The following WDR35 variants were observed in gnomAD, a reference collection of about 807,000 sequenced individuals.
The protein encoded by WDR35 is WD repeat domain 35.
WDR35 carries 118 observed loss-of-function variants against 158.3 expected under a neutral mutation model. That is an observed-to-expected ratio of 0.75 (90% CI 0.64 to 0.87). The LOEUF (loss-of-function observed/expected upper bound fraction) is 0.87, where lower values mean the gene tolerates loss of function less well. Ranked by LOEUF, WDR35 falls within the 40% of genes least tolerant of loss-of-function variation. The pLI is 0.00. For synonymous variants in WDR35, 448 were observed against 476.1 expected (o/e 0.94, Z 0.77); for missense variants, 1,263 against 1,405.8 (o/e 0.90, Z 1.62).
At chr2:19,983,575 T>C (rs762715564) in intron 2 of WDR35, among the ~76,000 whole-genome samples, 1 of 152,234 alleles carries the variant, frequency 6.6e-6, no homozygotes, top group Admixed American at 6.5e-5. Context: ...AAAATTTTCA[T>C]TTAAAATACA....
chr2:19,985,899 GAAAAAAAAAAAAA>G (rs70939024), intron 2 of WDR35, among the ~76,000 whole-genome samples: 23 of 71,162 alleles, frequency 3.2e-4, no homozygotes, highest in East Asian at 9.4e-4. Flanking sequence ...CCCATCTCGG[GAAAAAAAAAAAAA>G]AAAAAAAAAA....
intron 21 of WDR35, chr2:19,935,193 G>A (rs1389089529): frequency 2.0e-5 from 4 of 205,008 alleles, no homozygotes; most frequent in Non-Finnish European, 3.8e-5. Flanking sequence ...CATGTATTCA[G>A]CTAACATTTA....
intron 25 of WDR35, among the ~76,000 whole-genome samples, chr2:19,919,395 A>G (rs1159783358): frequency 2.0e-4 from 25 of 126,022 alleles, no homozygotes; most frequent in Admixed American, 4.8e-4. Context: ...AAAAAAAAAA[A>G]AAAGAAAAGA....
intron 8 of WDR35, among the ~76,000 whole-genome samples, chr2:19,971,519 A>C (rs1022020561): frequency 6.6e-6 from 1 of 152,230 alleles, no homozygotes; most frequent in Non-Finnish European, 1.5e-5. Context: ...CATTCTCCAG[A>C]ACTGTGAGCC....
Position 19,932,355 on chromosome 2 carries a change from A to G in WDR35, c.2751T>C (p.Asn917=), listed in dbSNP as rs771322505. The G allele has an allele frequency of 3.1e-6, 5 of 1,613,242 alleles. No homozygotes were observed. In the South Asian group the frequency reaches 5.5e-5, roughly 18 times the overall value. ...AGAGTTCTATGGCATCAAGAGTTTTATTCTTTTCCAGTAAATGAGATGCAT... is the reference window on the plus strand; with the variant it reads ...AGAGTTCTATGGCATCAAGAGTTTTGTTCTTTTCCAGTAAATGAGATGCAT... ...ARYASHLLEK[N]KTLDAIELYR... Residue 917 remains asparagine (N), a synonymous_variant, in exon 23 of 27, where the codon AAT becomes AAC. Coordinates refer to ENST00000281405, the MANE Select transcript of WDR35 (RefSeq NM_020779.4).
At chr2:19,938,222 A>C (rs1339907343) in intron 18 of WDR35, 43 bp downstream of exon 18, 1 of 1,613,612 alleles carries the variant, frequency 6.2e-7, no homozygotes, top group East Asian at 2.2e-5. Context: ...GACTTTAAAA[A>C]CCTACACCTG....
At chr2:19,967,055 TAGA>T (rs767481951) in intron 9 of WDR35, 146 bp from the exon 10 acceptor site, 37 of 735,108 alleles carry the variant, frequency 5.0e-5, no homozygotes, top group Non-Finnish European at 8.2e-5. Context: ...TCTTCAGAAA[TAGA>T]AGACAGATTC....
chr2:19,979,438 G>A (rs1184718577), intron 4 of WDR35, among the ~76,000 whole-genome samples: 1 of 152,096 alleles, frequency 6.6e-6, no homozygotes, highest in Non-Finnish European at 1.5e-5. Context: ...ATTCTAATCA[G>A]TTTATACTAC....
chr2:19,921,129 C>G (rs1403057806), intron 25 of WDR35, among the ~76,000 whole-genome samples: 2 of 152,102 alleles, frequency 1.3e-5, no homozygotes, highest in Admixed American at 6.5e-5. Flanking sequence ...TAGGAAGAAC[C>G]AATATCATCA....
At position 19,911,388 on chromosome 2, in the gene WDR35, G is replaced by C. The variant is rs1342259008; in HGVS notation, c.*2170C>G. 4 of 152,214 alleles carry C rather than the reference G, an allele frequency of 2.6e-5. No homozygotes were observed. Among genetic ancestry groups the C allele is most frequent in the Non-Finnish European group, 5.9e-5 (4 of 68,052 alleles). 9.4% of individuals were successfully genotyped at this position (152,214 alleles called of 1,614,324 possible). A position where few individuals can be genotyped will look rare whatever the true frequency, so the allele number is the denominator to read the frequency against. On this transcript the variant is annotated 3_prime_UTR_variant, in exon 27 of 27. Coordinates refer to ENST00000281405, the MANE Select transcript of WDR35 (RefSeq NM_020779.4). ...CTGTCCTGCAGGAACCTTTCAGACAGGCAGAACTAATAAGTGTGCCATCCC... is the reference window on the plus strand; with the variant it reads ...CTGTCCTGCAGGAACCTTTCAGACACGCAGAACTAATAAGTGTGCCATCCC...
chr2:19,974,653 T>C lies in WDR35; in HGVS notation c.571-20A>G. On this transcript the variant is annotated intron_variant, in intron 6 of 26. Transcript: ENST00000281405. ...TTTTATCTAAATAAAATTGGTTAGG[T>C]TTAATATTTTACATTTTAAAACACA... 5.6e-6 allele frequency: 9 copies of C among 1,605,006 alleles called. No individual in the cohort carries two copies. Among genetic ancestry groups the C allele is most frequent in the Non-Finnish European group, 7.7e-6 (9 of 1,173,848 alleles).
chr2:19,969,224 T>C (rs1254269444), intron 9 of WDR35, among the ~76,000 whole-genome samples: 2 of 152,214 alleles, frequency 1.3e-5, no homozygotes, highest in Non-Finnish European at 2.9e-5. Context: ...TGCCCACATC[T>C]CTGTAATAAG....
chr2:19,965,437 C>A (rs1479902415), intron 10 of WDR35, among the ~76,000 whole-genome samples: 1 of 152,182 alleles, frequency 6.6e-6, no homozygotes, highest in Non-Finnish European at 1.5e-5. Flanking sequence ...ATGGGCAGGG[C>A]TATTTCCCTG....
chr2:19,936,091 T>G, intron 20 of WDR35, 128 bp downstream of exon 20: 1 of 1,435,024 alleles, frequency 7.0e-7, no homozygotes, highest in Non-Finnish European at 9.5e-7. Context: ...AAGATGAATC[T>G]AGAGCTATCT....
chr2:19,927,989 AG>A (rs1221639212), intron 25 of WDR35, among the ~76,000 whole-genome samples: 5 of 152,222 alleles, frequency 3.3e-5, no homozygotes, highest in African/African-American at 1.2e-4. Context: ...AAATCAAAGA[AG>A]GGGGACATGT....
At position 19,931,413 on chromosome 2, in the gene WDR35, A is replaced by C. The variant is rs1242045587; in HGVS notation, c.2824-4T>G. ...TCTTTGCCTCTTCATCTGCAATCTTAAACATTTTTCAAAATTGAGGGAAGT... is the reference window on the plus strand; with the variant it reads ...TCTTTGCCTCTTCATCTGCAATCTTCAACATTTTTCAAAATTGAGGGAAGT... On this transcript the variant is annotated splice_polypyrimidine_tract_variant and splice_region_variant and intron_variant, in intron 23 of 26. Coordinates refer to ENST00000281405, the MANE Select transcript of WDR35 (RefSeq NM_020779.4). 1.2e-6 allele frequency: 2 copies of C among 1,612,946 alleles called. No homozygotes were observed. The highest frequency in any genetic ancestry group is 8.5e-7 in the Non-Finnish European group (1 of 1,179,588).
chr2:19,933,084 C>T (rs576755222), intron 22 of WDR35, among the ~76,000 whole-genome samples: 3 of 152,144 alleles, frequency 2.0e-5, no homozygotes, highest in African/African-American at 7.2e-5. Flanking sequence ...CCAACCCTAA[C>T]AAAATGCAGA....
chr2:19,952,086 T>C (rs1419218095), intron 12 of WDR35, among the ~76,000 whole-genome samples: 1 of 152,158 alleles, frequency 6.6e-6, no homozygotes, highest in Non-Finnish European at 1.5e-5. Flanking sequence ...GTAGTGGTGA[T>C]GTCTGGGCTT....
intron 25 of WDR35, among the ~76,000 whole-genome samples, chr2:19,930,178 T>C (rs563829952): frequency 6.6e-6 from 1 of 152,184 alleles, no homozygotes; most frequent in African/African-American, 2.4e-5. Flanking sequence ...CACATTCTTT[T>C]TGCTTATCTC....
Sources: allele counts gnomAD v4.1 joint callset (sites outside exome capture counted in the v4.1 genomes callset), GRCh38; gene constraint gnomAD v4.1.1; transcripts MANE v1.5; gene names NCBI Gene and HGNC (gene_info 2026-07-23, HGNC 2026-07-21).